Variants in ARHGAP32 observed in about 807,000 individuals in gnomAD.
ARHGAP32 encodes Rho GTPase activating protein 32, also known as rho GTPase-activating protein 32.
ARHGAP32 carries 51 observed loss-of-function variants against 186.5 expected under a neutral mutation model. That is an observed-to-expected ratio of 0.27 (90% CI 0.22 to 0.35). The LOEUF is 0.35. Among genes scored for constraint, ARHGAP32 ranks in the 10% least tolerant of loss-of-function variants. ARHGAP32 has a pLI of 1.00. For synonymous variants in ARHGAP32, 950 were observed against 964.3 expected (o/e 0.99, Z 0.27); for missense variants, 2,186 against 2,623.5 (o/e 0.83, Z 3.64).
rs1477407672 is a variant in ARHGAP32 at position 129,109,041 on chromosome 11, C to G, written c.444+14405G>C. 3.3e-5 allele frequency among the ~76,000 whole-genome samples: 5 copies of G among 152,234 alleles called. No homozygotes were observed. The South Asian group carries it at 6.2e-4, about 19-fold the overall frequency. On this transcript the variant is annotated intron_variant, in intron 5 of 22. Coordinates refer to ENST00000682385, the MANE Select transcript of ARHGAP32 (RefSeq NM_001378024.1). Reference sequence around the variant, plus strand: ...CCTTCTATCTAACTGCATGTTTCTTCCCATTAATCAAACTTCTTCATCATG... The same window carrying G: ...CCTTCTATCTAACTGCATGTTTCTTGCCATTAATCAAACTTCTTCATCATG...
intron 6 of ARHGAP32, 31 bp from the exon 7 acceptor site, chr11:129,066,899 T>A: frequency 6.5e-7 from 1 of 1,541,298 alleles, no homozygotes; most frequent in Non-Finnish European, 8.9e-7. Context: ...CTCATATAAT[T>A]CACCTCTATT....
chr11:129,186,402 C>A (rs1368226360), intron 1 of ARHGAP32, among the ~76,000 whole-genome samples: 2 of 152,174 alleles, frequency 1.3e-5, no homozygotes, highest in Non-Finnish European at 2.9e-5. Context: ...ATTATGAAGA[C>A]AGCCTAATGG....
At chr11:129,130,325 C>T (rs1460745963) in intron 2 of ARHGAP32, among the ~76,000 whole-genome samples, 1 of 151,592 alleles carries the variant, frequency 6.6e-6, no homozygotes, top group Non-Finnish European at 1.5e-5. Flanking sequence ...AAATAATATA[C>T]AAAAATTAAT....
At chr11:129,128,064 A>G (rs140720508) in intron 2 of ARHGAP32, among the ~76,000 whole-genome samples, 4 of 152,330 alleles carry the variant, frequency 2.6e-5, no homozygotes, top group Admixed American at 6.5e-5. Context: ...TTTACACTAT[A>G]TAATTCAACA....
At chr11:129,206,177 A>G in intron 1 of ARHGAP32, among the ~76,000 whole-genome samples, 1 of 152,148 alleles carries the variant, frequency 6.6e-6, no homozygotes, top group East Asian at 1.9e-4. Context: ...ATATCCACTC[A>G]AGGTAAACTT....
intron 11 of ARHGAP32, among the ~76,000 whole-genome samples, chr11:129,021,559 T>C (rs191263577): frequency 2.6e-5 from 4 of 152,180 alleles, no homozygotes; most frequent in Admixed American, 2.6e-4. Flanking sequence ...ACGGTTAAGA[T>C]AAGACTATTA....
intron 11 of ARHGAP32, among the ~76,000 whole-genome samples, chr11:129,016,237 GATGA>G (rs1042803697): frequency 9.9e-5 from 15 of 151,958 alleles, no homozygotes; most frequent in African/African-American, 3.4e-4. Flanking sequence ...TTTTCTTACT[GATGA>G]ATAAGAATTC....
chr11:129,141,767 G>T (rs1487713697), intron 2 of ARHGAP32, among the ~76,000 whole-genome samples: 1 of 149,388 alleles, frequency 6.7e-6, no homozygotes, highest in Non-Finnish European at 1.5e-5. Context: ...ACCACCATGG[G>T]AAATAGGATT....
At chr11:129,278,740 G>A (rs555180573) in intron 1 of ARHGAP32, among the ~76,000 whole-genome samples, 141 of 151,754 alleles carry the variant, frequency 9.3e-4, no homozygotes, top group African/African-American at 3.0e-3. Flanking sequence ...TGTCGCCCGC[G>A]GGCAGCGGAG....
At chr11:129,174,209 C>A (rs1281179957) in intron 1 of ARHGAP32, among the ~76,000 whole-genome samples, 1 of 152,218 alleles carries the variant, frequency 6.6e-6, no homozygotes, top group Non-Finnish European at 1.5e-5. Flanking sequence ...GGTTCACTCC[C>A]ACCCAAATAC....
chr11:129,073,014 G>A (rs1940918292), intron 6 of ARHGAP32, among the ~76,000 whole-genome samples: 1 of 152,152 alleles, frequency 6.6e-6, no homozygotes, highest in African/African-American at 2.4e-5. Context: ...ACCTAAAGGT[G>A]CAGGATGGAG....
rs183908331 is a variant in ARHGAP32 at position 128,986,938 on chromosome 11, C to A, written c.1299-270G>T. On this transcript the variant is annotated intron_variant, in intron 13 of 22. Coordinates refer to ENST00000682385, the MANE Select transcript of ARHGAP32 (RefSeq NM_001378024.1). ...AGCCTCTGAGATACATATGAATGAA[C>A]AGCTCTTATAGTACAACAGTCTGAA... Among the ~76,000 whole-genome samples, 3 of 152,246 alleles carry A rather than the reference C, an allele frequency of 2.0e-5. No homozygotes were observed. In the East Asian group the frequency reaches 5.8e-4, roughly 29 times the overall value.
intron 1 of ARHGAP32, among the ~76,000 whole-genome samples, chr11:129,270,931 C>T (rs541537866): frequency 6.6e-6 from 1 of 152,022 alleles, no homozygotes; most frequent in African/African-American, 2.4e-5. Flanking sequence ...TGGCCTCTAC[C>T]CACTAGATGC....
At chr11:129,016,998 A>G (rs1938375080) in intron 11 of ARHGAP32, among the ~76,000 whole-genome samples, 1 of 152,140 alleles carries the variant, frequency 6.6e-6, no homozygotes, top group Non-Finnish European at 1.5e-5. Context: ...TCTAAATTAC[A>G]TTTTCTAATC....
At position 129,161,051 on chromosome 11, in the gene ARHGAP32, G is replaced by A. The variant is rs528926772; in HGVS notation, c.225+3268C>T. ...ACAAACCTGACAAAAACAAGCTATG[G>A]GGAAAGGATTCCTTATTTAATAAAT... is the stretch of plus-strand genomic sequence containing the variant. On this transcript the variant is annotated intron_variant, in intron 2 of 22. Transcript: ENST00000682385. 2.6e-5 allele frequency among the ~76,000 whole-genome samples: 4 copies of A among 152,168 alleles called. No individual in the cohort carries two copies. The South Asian group carries it at 8.3e-4, about 32-fold the overall frequency.
At position 128,968,895 on chromosome 11, in the gene ARHGAP32, T is replaced by G; in HGVS notation, c.*12A>C. On this transcript the variant is annotated 3_prime_UTR_variant, in exon 23 of 23. Transcript: ENST00000682385. ...CCAGCAGAGGCTGCTTCAACTCTAT[T>G]GCTCGCAGGGCTCATTCTGCATGGA... 1 of 1,471,526 alleles carries G rather than the reference T, an allele frequency of 6.8e-7. No individual in the cohort carries two copies. Among genetic ancestry groups the G allele is most frequent in the Non-Finnish European group, 9.0e-7 (1 of 1,106,460 alleles). The allele number at this position is 1,471,526 out of a possible 1,614,324, so 91.2% of individuals were successfully genotyped here.
rs552693575 is a variant in ARHGAP32, at chr11:129,198,032, A to G, written c.-4-33605T>C. Among the ~76,000 whole-genome samples the G allele has an allele frequency of 5.1e-4, 77 of 152,324 alleles. No individual in the cohort carries two copies. In the South Asian group the frequency reaches 0.015, roughly 30 times the overall value. ...AATTTAATATGATTCTCTACAGGTA[A>G]CTTTAAACATAACAGAAAAGGTCTA... is the stretch of plus-strand genomic sequence containing the variant. On this transcript the variant is annotated intron_variant, in intron 1 of 6. Transcript: ENST00000525234.
rs961723118 is a variant in ARHGAP32, at chr11:129,199,313, A to G, written c.-4-34886T>C. On this transcript the variant is annotated intron_variant, in intron 1 of 6. Coordinates refer to the ARHGAP32 transcript ENST00000525234. ...AATGTTAATCACCAAGACAATGGGG[A>G]AAATGTCTCCAGGTCATGTCAGAGA... Among the ~76,000 whole-genome samples the G allele has an allele frequency of 1.4e-4, 21 of 152,370 alleles. 1 individual carries two copies. Among genetic ancestry groups the G allele is most frequent in the Admixed American group, 1.2e-3 (19 of 15,308 alleles).
chr11:128,981,526 G>A lies in ARHGAP32; in HGVS notation c.1670C>T (p.Thr557Ile). The A allele has an allele frequency of 1.2e-6, 2 of 1,614,024 alleles. No individual in the cohort carries two copies. The highest frequency in any genetic ancestry group is 4.5e-5 in the East Asian group (2 of 44,884). The change falls in exon 17 of 23, where the codon ACA (threonine) becomes ATA (isoleucine). Residue 557 changes from threonine to isoleucine, a missense_variant. Thr to Ile is a moderately conservative substitution (Grantham distance 89, BLOSUM62 -1). Coordinates refer to ENST00000682385, the MANE Select transcript of ARHGAP32 (RefSeq NM_001378024.1). ...AATCCTCACTTCCATGAAAGCTGCTGTTCCACTGAAGCAGGCAGATTCTAT... is the reference window on the plus strand; with the variant it reads ...AATCCTCACTTCCATGAAAGCTGCTATTCCACTGAAGCAGGCAGATTCTAT... ...KQIESACFSG[T>I]AAFMEVRIQS...
Sources: gnomAD v4.1 joint callset for allele counts (sites outside exome capture counted in the v4.1 genomes callset) on GRCh38, gnomAD v4.1.1 for gene constraint, MANE v1.5 for transcripts, NCBI Gene and HGNC (gene_info 2026-07-23, HGNC 2026-07-21) for gene names.